TADA2A: variants seen among roughly 807,000 people sequenced by gnomAD.
TADA2A encodes transcriptional adaptor 2A, also known as transcriptional adapter 2-alpha.
A neutral mutation model predicts 67.4 loss-of-function variants in TADA2A; 38 were observed. The observed-to-expected ratio is 0.56, with a 90% CI of 0.44 to 0.74. The LOEUF is 0.74. TADA2A is among the 30% of genes least tolerant of loss of function. The probability of loss-of-function intolerance (pLI) is 0.00; values close to 1 mark genes in which losing one functional copy is unlikely to be tolerated. For synonymous variants in TADA2A, 192 were observed against 181.6 expected (o/e 1.06, Z -0.46); for missense variants, 454 against 547.0 (o/e 0.83, Z 1.70).
chr17:37,470,530 CAT>C lies in TADA2A; in HGVS notation c.1027_1028del (p.Ile343Ter). The C allele has an allele frequency of 3.9e-6, 6 of 1,558,098 alleles. No individual in the cohort carries two copies. The highest frequency in any genetic ancestry group is 5.2e-6 in the Non-Finnish European group (6 of 1,155,788). ...CQQWLRRQAD[I>X]DSGLSPSIPM... ...AGCAGTGGCTCCGCCGGCAAGCTGACATGTGAGTAATTACTCCAGGGTGAAGG... is the reference window on the plus strand; with the variant it reads ...AGCAGTGGCTCCGCCGGCAAGCTGACGTGAGTAATTACTCCAGGGTGAAGG... On this transcript the variant is annotated frameshift_variant and splice_region_variant, in exon 13 of 16. Coordinates refer to ENST00000615182, the MANE Select transcript of TADA2A (RefSeq NM_001166105.3). LOFTEE classifies it high-confidence loss of function.
rs181601739 is a variant in TADA2A at position 37,432,155 on chromosome 17, C to T, written c.192+5146C>T. 3.1e-3 allele frequency among the ~76,000 whole-genome samples: 466 copies of T among 148,652 alleles called. 4 individuals carry two copies. The highest frequency in any genetic ancestry group is 0.011 in the African/African-American group (434 of 40,542). ...GTTGTTTCTGGTTTCTTTCACTCAG[C>T]TTTTTTATTTATTTATTTATTTTTT... On this transcript the variant is annotated intron_variant, in intron 4 of 15. Transcript: ENST00000615182.
At chr17:37,465,733 T>TG in intron 11 of TADA2A, 192 bp downstream of exon 11, 1 of 857,290 alleles carries the variant, frequency 1.2e-6, no homozygotes, top group Non-Finnish European at 1.7e-6. Context: ...CCCTAATGAC[T>TG]TCCCCCATTG....
chr17:37,474,648 C>T lies in TADA2A; in HGVS notation c.1146+19C>T. On this transcript the variant is annotated intron_variant, in intron 15 of 15. Transcript: ENST00000615182. ...AAAGGAGGTAACAAAAGGGAGGGGG[C>T]TGGGAGAAAGAGAATAGGGGCTGAT... The T allele has an allele frequency of 1.2e-6, 2 of 1,603,336 alleles. No homozygotes were observed. Among genetic ancestry groups the T allele is most frequent in the Non-Finnish European group, 1.7e-6 (2 of 1,173,624 alleles).
chr17:37,467,971 A>G (rs955594634), intron 12 of TADA2A, among the ~76,000 whole-genome samples: 4 of 151,720 alleles, frequency 2.6e-5, no homozygotes, highest in African/African-American at 7.3e-5. Context: ...AATCCCAACT[A>G]CTCGGGAGGC....
At chr17:37,428,136 A>G (rs1597868189) in intron 4 of TADA2A, among the ~76,000 whole-genome samples, 1 of 152,186 alleles carries the variant, frequency 6.6e-6, no homozygotes, top group African/African-American at 2.4e-5. Flanking sequence ...CACATAGTAG[A>G]TTAATCTATA....
chr17:37,465,713 G>T, intron 11 of TADA2A, 172 bp downstream of exon 11: 4 of 1,199,030 alleles, frequency 3.3e-6, no homozygotes, highest in Non-Finnish European at 3.4e-6. Context: ...GCAGAAGAGA[G>T]GTTAAAAAGC....
At chr17:37,434,160 C>A (rs921645900) in intron 4 of TADA2A, among the ~76,000 whole-genome samples, 1 of 152,108 alleles carries the variant, frequency 6.6e-6, no homozygotes, top group Non-Finnish European at 1.5e-5. Context: ...CTTGACAGGT[C>A]GAAGTGTATT....
At chr17:37,458,482 A>T (rs1191792572) in intron 8 of TADA2A, 42 bp from the exon 9 acceptor site, 16 of 1,281,730 alleles carry the variant, frequency 1.2e-5, no homozygotes, top group Non-Finnish European at 1.6e-5. Flanking sequence ...TATAATATAT[A>T]TATGATATGT....
intron 9 of TADA2A, among the ~76,000 whole-genome samples, chr17:37,461,294 C>G (rs1185315033): frequency 6.6e-6 from 1 of 152,188 alleles, no homozygotes; most frequent in Non-Finnish European, 1.5e-5. Flanking sequence ...TGCTCACCTG[C>G]TGTGCAGCCT....
chr17:37,454,653 T>TA, intron 8 of TADA2A: 1 of 257,282 alleles, frequency 3.9e-6, no homozygotes, highest in South Asian at 5.2e-5. Context: ...GAAGAAAGCA[T>TA]AAAAAAGGGA....
At chr17:37,453,420 C>T (rs2053285550) in intron 8 of TADA2A, among the ~76,000 whole-genome samples, 1 of 152,192 alleles carries the variant, frequency 6.6e-6, no homozygotes, top group Admixed American at 6.6e-5. Context: ...CTAACATCTA[C>T]TTCCAGCAGA....
rs2053921968 is a variant in TADA2A at position 37,477,917 on chromosome 17, CA to C, written c.*937del. 1 of 151,850 alleles carries C rather than the reference CA, an allele frequency of 6.6e-6. No homozygotes were observed. The highest frequency in any genetic ancestry group is 2.1e-4 in the South Asian group (1 of 4,802). 9.4% of individuals were successfully genotyped at this position (151,850 alleles called of 1,614,324 possible). A position where few individuals can be genotyped will look rare whatever the true frequency, so the allele number is the denominator to read the frequency against. On this transcript the variant is annotated 3_prime_UTR_variant, in exon 16 of 16. Transcript: ENST00000615182. ...TGGGCGGATCACGAAGTCAGGAGTT[CA>C]AGACCAGCCTGACCAACATGGTGAA...
chr17:37,471,325 C>T (rs552027034), intron 14 of TADA2A, among the ~76,000 whole-genome samples, 188 bp downstream of exon 14: 1 of 152,112 alleles, frequency 6.6e-6, no homozygotes, highest in East Asian at 1.9e-4. Context: ...AGAGACTATC[C>T]TCAGAGTGAC....
intron 2 of TADA2A, among the ~76,000 whole-genome samples, chr17:37,413,703 T>C (rs919219043): frequency 6.6e-6 from 1 of 152,044 alleles, no homozygotes; most frequent in African/African-American, 2.4e-5. Context: ...TAAGCCACCA[T>C]GCCTGGCCCA....
chr17:37,439,936 TTA>T (rs370384799), intron 5 of TADA2A, among the ~76,000 whole-genome samples: 6,754 of 95,754 alleles, frequency 0.071, 538 homozygotes, highest in African/African-American at 0.22. Context: ...ATTTATTTAT[TTA>T]TTTATTATTT....
At chr17:37,420,394 CTTT>C (rs202103528) in intron 2 of TADA2A, among the ~76,000 whole-genome samples, 3 of 131,584 alleles carry the variant, frequency 2.3e-5, no homozygotes. Context: ...TCTTCTGTGT[CTTT>C]TTTTTTTTTT....
chr17:37,444,576 G>C (rs1174470880), intron 7 of TADA2A, 120 bp from the exon 8 acceptor site: 3 of 833,758 alleles, frequency 3.6e-6, no homozygotes, highest in Non-Finnish European at 5.9e-6. Context: ...GCCATATTTA[G>C]ACTTTTTAAA....
intron 6 of TADA2A, 82 bp from the exon 7 acceptor site, chr17:37,442,482 T>A (rs2052949246): frequency 2.9e-6 from 3 of 1,031,666 alleles, no homozygotes; most frequent in Non-Finnish European, 4.2e-6. Flanking sequence ...ATTTTAAATT[T>A]TATTTATTCT....
intron 1 of TADA2A, among the ~76,000 whole-genome samples, chr17:37,409,075 C>G (rs993866884): frequency 1.3e-5 from 2 of 152,148 alleles, no homozygotes; most frequent in African/African-American, 4.8e-5. Flanking sequence ...GATATAGTCT[C>G]TGCTTTCACT....
Sources: allele counts gnomAD v4.1 joint callset (sites outside exome capture counted in the v4.1 genomes callset), GRCh38; gene constraint gnomAD v4.1.1; transcripts MANE v1.5; gene names NCBI Gene and HGNC (gene_info 2026-07-23, HGNC 2026-07-21).